The following TENM2 variants were observed in gnomAD, a reference collection of about 807,000 sequenced individuals.
TENM2 encodes the protein teneurin transmembrane protein 2.
A neutral mutation model predicts 245.2 loss-of-function variants in TENM2; 52 were observed. The observed-to-expected ratio is 0.21, with a 90% CI of 0.17 to 0.27. The LOEUF is 0.27. TENM2 is among the 10% of genes least tolerant of loss of function. The probability of loss-of-function intolerance (pLI) is 1.00; values close to 1 mark genes in which losing one functional copy is unlikely to be tolerated. For synonymous variants in TENM2, 1,363 were observed against 1,438.9 expected, an observed-to-expected ratio of 0.95 and a Z score of 1.19; for missense variants, 3,046 against 3,666.8, an observed-to-expected ratio of 0.83 and a Z score of 4.37.
At chr5:167,811,951 T>G (rs4869073) in intron 2 of TENM2, among the ~76,000 whole-genome samples, 7,154 of 152,252 alleles carry the variant, frequency 0.047, 258 homozygotes, top group Non-Finnish European at 0.068. Context: ...AAGGTCAGAC[T>G]ATTATGCCTA....
intron 3 of TENM2, among the ~76,000 whole-genome samples, chr5:167,944,819 G>C (rs547694204): frequency 3.3e-5 from 5 of 152,306 alleles, no homozygotes; most frequent in Admixed American, 2.6e-4. Context: ...TTTAAAAGCT[G>C]AATTGTATGA....
At chr5:168,103,620 T>C (rs1254791906) in intron 9 of TENM2, among the ~76,000 whole-genome samples, 1 of 152,198 alleles carries the variant, frequency 6.6e-6, no homozygotes, top group Non-Finnish European at 1.5e-5. Flanking sequence ...TTTAGCAAGA[T>C]GCTATGCCCT....
intron 12 of TENM2, among the ~76,000 whole-genome samples, chr5:168,140,836 G>A (rs760783600): frequency 6.6e-6 from 1 of 151,998 alleles, no homozygotes; most frequent in African/African-American, 2.4e-5. Context: ...GCTAGAATAC[G>A]GCCCTCTCTC....
the TENM2 span, among the ~76,000 whole-genome samples, chr5:167,029,756 C>A: frequency 1.3e-5 from 2 of 152,202 alleles, no homozygotes; most frequent in African/African-American, 4.8e-5. Context: ...TTCTCACAAC[C>A]TTGCACACTT....
intron 7 of TENM2, among the ~76,000 whole-genome samples, chr5:168,083,270 C>T (rs2152209661): frequency 6.6e-6 from 1 of 152,314 alleles, no homozygotes; most frequent in South Asian, 2.1e-4. Flanking sequence ...GATATAATCT[C>T]CTGGTGTGCC....
chr5:167,018,557 T>A, the TENM2 span, among the ~76,000 whole-genome samples: 9 of 152,154 alleles, frequency 5.9e-5, no homozygotes, highest in Non-Finnish European at 1.0e-4. Flanking sequence ...AAGATTTTAT[T>A]TTTAGGGTGG....
At chr5:167,381,421 C>T (rs1027846228) in intron 2 of TENM2, among the ~76,000 whole-genome samples, 1 of 152,156 alleles carries the variant, frequency 6.6e-6, no homozygotes, top group Non-Finnish European at 1.5e-5. Context: ...TTACCAACTG[C>T]ATGTTAGTCT....
chr5:168,044,536 A>T (rs927580398), intron 5 of TENM2, among the ~76,000 whole-genome samples: 8 of 152,160 alleles, frequency 5.3e-5, no homozygotes, highest in African/African-American at 1.9e-4. Flanking sequence ...AGCATATAAC[A>T]TCCTACAATC....
chr5:167,629,809 G>A (rs1778745642), intron 2 of TENM2, among the ~76,000 whole-genome samples: 1 of 152,068 alleles, frequency 6.6e-6, no homozygotes, highest in South Asian at 2.1e-4. Context: ...CACCCAGAGT[G>A]TGTTATAATC....
chr5:168,058,850 C>T (rs1215791894), intron 6 of TENM2, among the ~76,000 whole-genome samples: 1 of 152,060 alleles, frequency 6.6e-6, no homozygotes, highest in Non-Finnish European at 1.5e-5. Flanking sequence ...AGGCACTATA[C>T]TAATCTCTCT....
At chr5:167,566,661 T>A (rs141953408) in intron 2 of TENM2, among the ~76,000 whole-genome samples, 3 of 152,312 alleles carry the variant, frequency 2.0e-5, no homozygotes, top group Admixed American at 2.0e-4. Context: ...TCTGGTTGGA[T>A]GCTTTCAAAC....
intron 2 of TENM2, among the ~76,000 whole-genome samples, chr5:167,547,006 GCA>G (rs1299663908): frequency 5.3e-5 from 8 of 152,230 alleles, no homozygotes; most frequent in Non-Finnish European, 1.2e-4. Flanking sequence ...TCAGCCCAAA[GCA>G]CAGAGTTATT....
chr5:167,681,182 G>A (rs1379263304), intron 2 of TENM2, among the ~76,000 whole-genome samples: 1 of 152,012 alleles, frequency 6.6e-6, no homozygotes, highest in Non-Finnish European at 1.5e-5. Context: ...CAATATTATT[G>A]TTTCAATTAT....
intron 2 of TENM2, among the ~76,000 whole-genome samples, chr5:167,540,295 A>G (rs1474990630): frequency 6.6e-6 from 1 of 152,194 alleles, no homozygotes; most frequent in Non-Finnish European, 1.5e-5. Context: ...ATTTGCAGAC[A>G]CTTAGGGAAT....
At chr5:168,011,756 G>T (rs1425835702) in intron 5 of TENM2, among the ~76,000 whole-genome samples, 2 of 152,172 alleles carry the variant, frequency 1.3e-5, no homozygotes, top group African/African-American at 4.8e-5. Flanking sequence ...TTCAACTGAA[G>T]AGGTATAATG....
chr5:167,466,121 G>C (rs1281736657), intron 2 of TENM2, among the ~76,000 whole-genome samples: 4 of 152,100 alleles, frequency 2.6e-5, no homozygotes, highest in Non-Finnish European at 2.9e-5. Context: ...CAATCTTCTT[G>C]AAGAGGAGAT....
chr5:167,803,389 C>A (rs959526734), intron 2 of TENM2, among the ~76,000 whole-genome samples: 1 of 152,092 alleles, frequency 6.6e-6, no homozygotes, highest in African/African-American at 2.4e-5. Flanking sequence ...GGTTAGGGCA[C>A]CCTGGAGAAC....
Position 167,802,064 on chromosome 5 carries a change from G to A in TENM2, c.503-73922G>A, listed in dbSNP as rs565505858. ...ATGGCACCATATCAGGTGTCCTCAC[G>A]TGGTGGAAGACCTGAAGTGCAAAAG... On this transcript the variant is annotated intron_variant, in intron 2 of 28. Transcript: ENST00000518659. 2.6e-5 allele frequency among the ~76,000 whole-genome samples: 4 copies of A among 152,230 alleles called. No homozygotes were observed. The East Asian group carries it at 5.8e-4, about 22-fold the overall frequency.
At chr5:167,219,422 T>C in the TENM2 span, among the ~76,000 whole-genome samples, 1 of 152,312 alleles carries the variant, frequency 6.6e-6, no homozygotes, top group East Asian at 1.9e-4. Flanking sequence ...AGCCTCCCTG[T>C]TGAAGTTGTT....
Sources: allele counts gnomAD v4.1 joint callset (sites outside exome capture counted in the v4.1 genomes callset), GRCh38; gene constraint gnomAD v4.1.1; transcripts MANE v1.5; gene names NCBI Gene and HGNC (gene_info 2026-07-23, HGNC 2026-07-21).